Variants in PCDHGB5 observed in about 807,000 individuals in gnomAD.
PCDHGB5 encodes the protein protocadherin gamma subfamily B, 5.
A neutral mutation model predicts 62.9 loss-of-function variants in PCDHGB5; 48 were observed. That is an observed-to-expected ratio of 0.76 (90% CI 0.61 to 0.97). PCDHGB5 has a LOEUF of 0.97. Among genes scored for constraint, PCDHGB5 ranks in the 50% least tolerant of loss-of-function variants. PCDHGB5 has a pLI of 0.00. For synonymous variants in PCDHGB5, 474 were observed against 511.2 expected, an observed-to-expected ratio of 0.93 and a Z score of 0.98; for missense variants, 1,118 against 1,198.6, an observed-to-expected ratio of 0.93 and a Z score of 0.99.
intron 1 of PCDHGB5, among the ~76,000 whole-genome samples, chr5:141,482,458 C>G (rs986628162): frequency 1.4e-5 from 2 of 147,624 alleles, no homozygotes; most frequent in African/African-American, 2.6e-5. Flanking sequence ...ATTAGCATCC[C>G]TATGTGCCAG....
chr5:141,408,655 A>G (rs778418746), intron 1 of PCDHGB5: 1 of 1,613,928 alleles, frequency 6.2e-7, no homozygotes, highest in African/African-American at 1.3e-5. Flanking sequence ...CTGGTACACG[A>G]CTATCGCTTG....
chr5:141,403,616 C>T (rs2094434764), intron 1 of PCDHGB5: 1 of 1,613,774 alleles, frequency 6.2e-7, no homozygotes, highest in South Asian at 1.1e-5. Flanking sequence ...CGAGCCGCGT[C>T]GCTCCAGCAC....
In PCDHGB5 at chr5:141,431,469, A is replaced by G; in HGVS notation, c.2397+30945A>G. 1.9e-6 allele frequency: 3 copies of G among 1,613,824 alleles called. No individual in the cohort carries two copies. Among genetic ancestry groups the G allele is most frequent in the Non-Finnish European group, 2.5e-6 (3 of 1,179,968 alleles). ...CGCGTGATGGTTCTGGATGCGAACG[A>G]CAACGCACCAGCGTTTGCTCAGCCC... is the stretch of plus-strand genomic sequence containing the variant. On this transcript the variant is annotated intron_variant, in intron 1 of 3. Coordinates refer to ENST00000617380, the MANE Select transcript of PCDHGB5 (RefSeq NM_018925.3). This position sits in a 1 kb window ranked among gnomAD's most constrained non-coding sequence, Gnocchi z 4.8.
chr5:141,433,164 A>G, intron 1 of PCDHGB5: 3 of 1,613,600 alleles, frequency 1.9e-6, no homozygotes, highest in Non-Finnish European at 2.5e-6. Context: ...TTTTCTAAAG[A>G]CAGTCATGGG....
intron 1 of PCDHGB5, chr5:141,420,440 C>G (rs1298244162): frequency 9.3e-7 from 1 of 1,076,214 alleles, no homozygotes; most frequent in Non-Finnish European, 1.2e-6. Context: ...AATTAAATGC[C>G]TCAGTCTTCC....
chr5:141,423,610 G>GT, intron 1 of PCDHGB5: 1 of 1,611,424 alleles, frequency 6.2e-7, no homozygotes, highest in African/African-American at 1.3e-5. Context: ...ACTCTTGATA[G>GT]CTGAAGACTC....
Position 141,485,778 on chromosome 5 carries a change from G to T in PCDHGB5, c.2398-9029G>T. The T allele has an allele frequency of 6.2e-7, 1 of 1,614,216 alleles. No individual in the cohort carries two copies. Among genetic ancestry groups the T allele is most frequent in the Admixed American group, 1.7e-5 (1 of 60,028 alleles). ...CTGCTCCTGGAGAAGCCTTTGGATC[G>T]AGAGAAGCAATCGGACTACCGCCTG... is the stretch of plus-strand genomic sequence containing the variant. On this transcript the variant is annotated intron_variant, in intron 1 of 3. Coordinates refer to ENST00000617380, the MANE Select transcript of PCDHGB5 (RefSeq NM_018925.3). The surrounding 1 kb of genome is among the most constrained non-coding windows in gnomAD (Gnocchi z 5.7).
At chr5:141,503,736 T>C (rs1381045077) in intron 2 of PCDHGB5, among the ~76,000 whole-genome samples, 4 of 152,202 alleles carry the variant, frequency 2.6e-5, no homozygotes, top group African/African-American at 9.6e-5. Context: ...TTTGTTGTGA[T>C]GGTATAGAGG....
chr5:141,430,754 A>G (rs778266116), intron 1 of PCDHGB5: 26 of 1,503,884 alleles, frequency 1.7e-5, no homozygotes, highest in East Asian at 4.6e-5. Flanking sequence ...CTGGAGGAAG[A>G]TAAGAATGAT....
At chr5:141,415,315 G>A (rs201784236) in intron 1 of PCDHGB5, 2 of 1,614,220 alleles carry the variant, frequency 1.2e-6, no homozygotes, top group Middle Eastern at 1.6e-4. Context: ...CTTCGTCATC[G>A]TGCTGCTGGC....
chr5:141,423,957 T>G, intron 1 of PCDHGB5: 1 of 1,183,084 alleles, frequency 8.5e-7, no homozygotes, highest in Non-Finnish European at 1.1e-6. Context: ...TTTAGTATTA[T>G]TTTTCTATTA....
At chr5:141,474,130 C>T (rs28684928) in intron 1 of PCDHGB5, among the ~76,000 whole-genome samples, 6 of 152,160 alleles carry the variant, frequency 3.9e-5, no homozygotes. Context: ...TCTCAGAAAA[C>T]TACAGGCCTT....
At chr5:141,407,974 G>A (rs1229330658) in intron 1 of PCDHGB5, 3 of 728,612 alleles carry the variant, frequency 4.1e-6, no homozygotes, top group African/African-American at 1.8e-5. Context: ...CGCTGACGCC[G>A]GGGATCCGTC....
chr5:141,408,079 A>C (rs1176059527), intron 1 of PCDHGB5: 13 of 1,407,872 alleles, frequency 9.2e-6, no homozygotes, highest in Non-Finnish European at 1.1e-5. Context: ...CTTTCCCAGC[A>C]CAGCGGATTG....
At chr5:141,496,734 G>A (rs527288196) in intron 2 of PCDHGB5, among the ~76,000 whole-genome samples, 4 of 152,066 alleles carry the variant, frequency 2.6e-5, no homozygotes, top group Non-Finnish European at 4.4e-5. Flanking sequence ...GTATTCATTC[G>A]TTCATTTATT....
chr5:141,418,985 T>G, intron 1 of PCDHGB5: 1 of 1,613,882 alleles, frequency 6.2e-7, no homozygotes, highest in Non-Finnish European at 8.5e-7. Context: ...GGACCAAGAC[T>G]CAGGGGAAAA....
At position 141,511,355 on chromosome 5, in the gene PCDHGB5, G is replaced by A; in HGVS notation, c.*182G>A. On this transcript the variant is annotated 3_prime_UTR_variant, in exon 4 of 4. Coordinates refer to ENST00000617380, the MANE Select transcript of PCDHGB5 (RefSeq NM_018925.3). ...TCAGCACCTACCCCTTCCCCCCCAG[G>A]GGGTTGAATATGCAAAAGCAGTTCC... 4 of 1,379,256 alleles carry A rather than the reference G, an allele frequency of 2.9e-6. No individual in the cohort carries two copies. The highest frequency in any genetic ancestry group is 3.9e-6 in the Non-Finnish European group (4 of 1,035,886). 85.4% of individuals were successfully genotyped at this position (1,379,256 alleles called of 1,614,324 possible).
intron 1 of PCDHGB5, chr5:141,408,047 A>C (rs1038145479): frequency 2.4e-6 from 3 of 1,243,316 alleles, no homozygotes; most frequent in Non-Finnish European, 3.2e-6. Context: ...GCTCCCACAC[A>C]GAGCCTCCCG....
intron 1 of PCDHGB5, among the ~76,000 whole-genome samples, chr5:141,469,864 C>T (rs963843852): frequency 6.6e-6 from 1 of 152,218 alleles, no homozygotes; most frequent in African/African-American, 2.4e-5. Flanking sequence ...GGTGCAATGG[C>T]TCACGCCTGT....
Sources: gnomAD v4.1 joint callset for allele counts (sites outside exome capture counted in the v4.1 genomes callset) on GRCh38, gnomAD v4.1.1 for gene constraint, Gnocchi (gnomAD v3.1) non-coding constraint, MANE v1.5 for transcripts, NCBI Gene and HGNC (gene_info 2026-07-23, HGNC 2026-07-21) for gene names.